Variants in MITF observed in about 807,000 individuals in gnomAD.
The protein encoded by MITF is melanocyte inducing transcription factor, also known as microphthalmia-associated transcription factor.
Under a neutral mutation model 60.5 loss-of-function variants are expected in MITF, and 17 were observed. That is an observed-to-expected ratio of 0.28 (90% CI 0.19 to 0.42). The LOEUF (loss-of-function observed/expected upper bound fraction) is 0.42, where lower values mean the gene tolerates loss of function less well. Ranked by LOEUF, MITF falls within the 10% of genes least tolerant of loss-of-function variation. The probability of loss-of-function intolerance (pLI) is 1.00; values close to 1 mark genes in which losing one functional copy is unlikely to be tolerated. For synonymous variants in MITF, 260 were observed against 248.5 expected, an observed-to-expected ratio of 1.05 and a Z score of -0.43; for missense variants, 622 against 683.5, an observed-to-expected ratio of 0.91 and a Z score of 1.00.
At chr3:69,881,760 T>C (rs1202371050) in intron 2 of MITF, among the ~76,000 whole-genome samples, 1 of 152,128 alleles carries the variant, frequency 6.6e-6, no homozygotes, top group Non-Finnish European at 1.5e-5. Flanking sequence ...CATGAATATA[T>C]ATTTTCAAAG....
intron 1 of MITF, among the ~76,000 whole-genome samples, chr3:69,822,472 G>A (rs1055608806): frequency 4.6e-5 from 7 of 152,162 alleles, no homozygotes; most frequent in Non-Finnish European, 1.0e-4. Flanking sequence ...CACTGTCATA[G>A]GCACTGGGGA....
chr3:69,951,723 G>C, intron 6 of MITF, 89 bp from the exon 7 acceptor site: 1 of 958,598 alleles, frequency 1.0e-6, no homozygotes, highest in Non-Finnish European at 1.7e-6. Flanking sequence ...ATAAGCTTCT[G>C]TATGTTTGGG....
chr3:69,777,167 A>C (rs2062487518), intron 1 of MITF, among the ~76,000 whole-genome samples: 4 of 152,202 alleles, frequency 2.6e-5, no homozygotes, highest in Admixed American at 6.5e-5. Flanking sequence ...CAGGAACTAA[A>C]ATTTCCAAAA....
chr3:69,810,784 G>C (rs1330949029), intron 1 of MITF, among the ~76,000 whole-genome samples: 1 of 152,146 alleles, frequency 6.6e-6, no homozygotes, highest in Non-Finnish European at 1.5e-5. Context: ...ACATGGGACT[G>C]GTGCTTAACA....
intron 1 of MITF, among the ~76,000 whole-genome samples, chr3:69,766,550 A>G (rs1437158286): frequency 1.3e-5 from 2 of 151,914 alleles, no homozygotes; most frequent in Non-Finnish European, 2.9e-5. Flanking sequence ...GTCTTATCCC[A>G]GTAAATACCA....
intron 1 of MITF, among the ~76,000 whole-genome samples, chr3:69,831,180 T>A (rs2063441153): frequency 6.6e-6 from 1 of 152,200 alleles, no homozygotes; most frequent in Non-Finnish European, 1.5e-5. Flanking sequence ...ATCTTAAGGC[T>A]CAGTGTAATG....
chr3:69,846,573 G>A (rs1559670570), intron 1 of MITF, among the ~76,000 whole-genome samples: 1 of 152,120 alleles, frequency 6.6e-6, no homozygotes, highest in Non-Finnish European at 1.5e-5. Flanking sequence ...CCAGCACTTT[G>A]GGAGGCCAAG....
chr3:69,767,322 G>A (rs2106823933), intron 1 of MITF, among the ~76,000 whole-genome samples: 1 of 152,246 alleles, frequency 6.6e-6, no homozygotes. Context: ...AGATGGAGGG[G>A]CATGTAATCC....
At chr3:69,870,773 A>G (rs1448988843) in intron 1 of MITF, among the ~76,000 whole-genome samples, 1 of 152,090 alleles carries the variant, frequency 6.6e-6, no homozygotes, top group Non-Finnish European at 1.5e-5. Context: ...AATTGGCGAA[A>G]CTTAGCATGT....
rs1404935890 is a variant in MITF at position 69,923,843 on chromosome 3, T to C, written c.355-13979T>C. On this transcript the variant is annotated intron_variant, in intron 2 of 9. Transcript: ENST00000352241. ...TGTGTCCTCCCTTTACAGATTTTTATAGATTTTCAAAAAATTTTAAATCTC... is the reference window on the plus strand; with the variant it reads ...TGTGTCCTCCCTTTACAGATTTTTACAGATTTTCAAAAAATTTTAAATCTC... Among the ~76,000 whole-genome samples the C allele has an allele frequency of 2.6e-5, 4 of 152,328 alleles. No homozygotes were observed. The East Asian group carries it at 7.7e-4, about 29-fold the overall frequency.
chr3:69,952,435 C>T (rs528345741), intron 7 of MITF, among the ~76,000 whole-genome samples: 17 of 152,168 alleles, frequency 1.1e-4, no homozygotes, highest in African/African-American at 1.7e-4. Flanking sequence ...TTGTCTCCTA[C>T]GAATACTTTA....
Position 69,780,763 on chromosome 3 carries a change from G to C in MITF, c.104+41062G>C, listed in dbSNP as rs574739469. On this transcript the variant is annotated intron_variant, in intron 1 of 9. Transcript: ENST00000352241. Reference sequence around the variant, plus strand: ...GAACTCCTTATAGATTGTTTCAACAGGGAATAAATAGAAGCTACTAGTCTC... The same window carrying C: ...GAACTCCTTATAGATTGTTTCAACACGGAATAAATAGAAGCTACTAGTCTC... Among the ~76,000 whole-genome samples, 9 of 152,316 alleles carry C rather than the reference G, an allele frequency of 5.9e-5. No homozygotes were observed. In the South Asian group the frequency reaches 1.7e-3, roughly 28 times the overall value.
chr3:69,918,956 A>G (rs1436591776), intron 2 of MITF, among the ~76,000 whole-genome samples: 1 of 152,142 alleles, frequency 6.6e-6, no homozygotes, highest in Non-Finnish European at 1.5e-5. Context: ...ATTTTGCATT[A>G]TTTAGCCTTT....
intron 2 of MITF, among the ~76,000 whole-genome samples, chr3:69,904,756 G>A (rs1021784543): frequency 1.3e-5 from 2 of 151,996 alleles, no homozygotes; most frequent in African/African-American, 4.8e-5. Flanking sequence ...TATATATTAA[G>A]TAGTCAGTAG....
Position 69,936,524 on chromosome 3 carries a change from G to GT in MITF, c.355-1289dup, listed in dbSNP as rs925396544. The stretch of plus-strand genomic sequence containing the variant: ...CCAAAAAAAAGGCCCTTATGTGAAC[G>GT]TTTTTTTTTACATGCATAACTAATT... On this transcript the variant is annotated intron_variant, in intron 2 of 9. Transcript: ENST00000352241. 1,584 of 1,263,496 alleles carry GT rather than the reference G, an allele frequency of 1.3e-3. 4 individuals carry two copies. Among genetic ancestry groups the GT allele is most frequent in the African/African-American group, 4.8e-3 (315 of 65,380 alleles). 78.3% of individuals were successfully genotyped at this position (1,263,496 alleles called of 1,614,324 possible).
chr3:69,951,044 T>C (rs142538998), intron 6 of MITF, among the ~76,000 whole-genome samples: 2 of 151,978 alleles, frequency 1.3e-5, no homozygotes, highest in African/African-American at 4.8e-5. Flanking sequence ...ATGAGTTCAT[T>C]CTATGAAGTA....
rs373270834 is a variant in MITF at position 69,921,147 on chromosome 3, C to T, written c.355-16675C>T. Among the ~76,000 whole-genome samples, 37 of 152,366 alleles carry T rather than the reference C, an allele frequency of 2.4e-4. No homozygotes were observed. In the South Asian group the frequency reaches 2.7e-3, roughly 11 times the overall value. On this transcript the variant is annotated intron_variant, in intron 2 of 9. Coordinates refer to ENST00000352241, the MANE Select transcript of MITF (RefSeq NM_001354604.2). ...TCGGCCTCCCAAAGTGCTGGGATTA[C>T]AGGCGTGAGCCACTGCACCCGGCTG...
intron 1 of MITF, among the ~76,000 whole-genome samples, chr3:69,749,288 C>A (rs2106762876): frequency 6.6e-6 from 1 of 152,270 alleles, no homozygotes; most frequent in East Asian, 1.9e-4. Context: ...TTGTAACATT[C>A]CCTTCCATCA....
intron 2 of MITF, among the ~76,000 whole-genome samples, chr3:69,919,411 G>A (rs2065411499): frequency 6.6e-6 from 1 of 152,120 alleles, no homozygotes; most frequent in South Asian, 2.1e-4. Context: ...TAGTTTTGTA[G>A]GGAGGCAAAT....
Sources: gnomAD v4.1 joint callset for allele counts (sites outside exome capture counted in the v4.1 genomes callset) on GRCh38, gnomAD v4.1.1 for gene constraint, MANE v1.5 for transcripts, NCBI Gene and HGNC (gene_info 2026-07-23, HGNC 2026-07-21) for gene names.